CCDC73: variants seen among roughly 807,000 people sequenced by gnomAD.
CCDC73 encodes the protein coiled-coil domain-containing protein 73.
CCDC73 carries 95 observed loss-of-function variants against 116.5 expected under a neutral mutation model. The observed-to-expected ratio is 0.82, with a 90% CI of 0.69 to 0.97. The LOEUF is 0.97. CCDC73 is among the 50% of genes least tolerant of loss of function. The pLI, the probability that CCDC73 is intolerant of heterozygous loss-of-function variation, is 0.00. For synonymous variants in CCDC73, 398 were observed against 401.3 expected (o/e 0.99, Z 0.10); for missense variants, 1,066 against 1,206.8 (o/e 0.88, Z 1.73).
Position 32,602,869 on chromosome 11 carries a change from T to C in CCDC73, c.3182A>G (p.Asn1061Ser). 6.2e-7 allele frequency: 1 copy of C among 1,611,822 alleles called. No homozygotes were observed. The highest frequency in any genetic ancestry group is 8.5e-7 in the Non-Finnish European group (1 of 1,179,192). ...TTCTGCTTTTCTTTTCTTTGGCTGGTTGTCATTTTCTAAACTTAGTAAATT... is the reference window on the plus strand; with the variant it reads ...TTCTGCTTTTCTTTTCTTTGGCTGGCTGTCATTTTCTAAACTTAGTAAATT... ...SENLLSLEND[N>S]QPKKRKAEET... The change falls in exon 18 of 18, where the codon AAC becomes AGC. Residue 1061 changes from asparagine to serine, a missense_variant. Coordinates refer to ENST00000335185, the MANE Select transcript of CCDC73 (RefSeq NM_001008391.4).
intron 1 of CCDC73, among the ~76,000 whole-genome samples, chr11:32,776,687 T>G (rs1396566338): frequency 6.6e-6 from 1 of 151,916 alleles, no homozygotes; most frequent in Admixed American, 6.6e-5. Context: ...AACCCTATAG[T>G]TTAACAAGAA....
In CCDC73 at chr11:32,614,444, G is replaced by C. The variant is rs762414269; in HGVS notation, c.1874C>G (p.Thr625Ser). The part of the protein sequence containing the change: ...LEKEITNSDQ[T>S]KADLDSSLDI... ...TAGAGACGAGTCCAAATCTGCTTTG[G>C]TTTGGTCACTATTTGTAATTTCCTT... Residue 625 changes from threonine to serine, a missense_variant, in exon 16 of 18, where the codon ACC becomes AGC. Thr to Ser is a moderately conservative substitution (Grantham distance 58). Transcript: ENST00000335185. 6.2e-7 allele frequency: 1 copy of C among 1,613,310 alleles called. No individual in the cohort carries two copies. Among genetic ancestry groups the C allele is most frequent in the Non-Finnish European group, 8.5e-7 (1 of 1,179,714 alleles).
At chr11:32,689,823 G>A (rs886287596) in intron 6 of CCDC73, among the ~76,000 whole-genome samples, 6 of 152,052 alleles carry the variant, frequency 3.9e-5, no homozygotes, top group East Asian at 1.9e-4. Flanking sequence ...GTGAAACCCC[G>A]TCTCTACTAA....
chr11:32,719,727 G>A (rs570724829), intron 2 of CCDC73, among the ~76,000 whole-genome samples: 78 of 152,068 alleles, frequency 5.1e-4, no homozygotes, highest in African/African-American at 1.8e-3. Flanking sequence ...AAGAGACCAC[G>A]TACAAAAACA....
chr11:32,715,127 T>C (rs907013761), intron 3 of CCDC73, among the ~76,000 whole-genome samples: 3 of 152,140 alleles, frequency 2.0e-5, no homozygotes, highest in Non-Finnish European at 4.4e-5. Flanking sequence ...CTGAGGTACT[T>C]TCTTTCCCCT....
intron 12 of CCDC73, among the ~76,000 whole-genome samples, chr11:32,644,131 T>C (rs1294431555): frequency 6.6e-6 from 1 of 152,146 alleles, no homozygotes; most frequent in African/African-American, 2.4e-5. Flanking sequence ...GTGGTACATA[T>C]ACACCATGGA....
At chr11:32,700,144 T>C (rs145535481) in intron 5 of CCDC73, among the ~76,000 whole-genome samples, 1 of 151,988 alleles carries the variant, frequency 6.6e-6, no homozygotes, top group African/African-American at 2.4e-5. Context: ...AGAATAAATA[T>C]ATTCTAATTA....
At chr11:32,752,882 A>G (rs1850298678) in intron 2 of CCDC73, among the ~76,000 whole-genome samples, 6 of 152,202 alleles carry the variant, frequency 3.9e-5, no homozygotes. Context: ...AGCTCACTGT[A>G]ACCCCGAACT....
At chr11:32,620,540 G>A (rs1855513835) in intron 14 of CCDC73, among the ~76,000 whole-genome samples, 1 of 148,872 alleles carries the variant, frequency 6.7e-6, no homozygotes, top group Non-Finnish European at 1.5e-5. Flanking sequence ...GAACCTGGGA[G>A]GCGGAGCTTG....
chr11:32,711,415 A>G (rs1416922020), intron 3 of CCDC73, among the ~76,000 whole-genome samples: 1 of 152,236 alleles, frequency 6.6e-6, no homozygotes, highest in Non-Finnish European at 1.5e-5. Context: ...CAACAAGTAG[A>G]TAAAGAAAAT....
At chr11:32,639,526 T>G (rs1855713684) in intron 13 of CCDC73, among the ~76,000 whole-genome samples, 2 of 152,144 alleles carry the variant, frequency 1.3e-5, no homozygotes, top group South Asian at 4.2e-4. Flanking sequence ...CTCGGCTCAC[T>G]GCAACCTCCA....
At chr11:32,624,304 C>T (rs1019478751) in intron 14 of CCDC73, among the ~76,000 whole-genome samples, 2 of 152,158 alleles carry the variant, frequency 1.3e-5, no homozygotes, top group African/African-American at 4.8e-5. Context: ...GATGCTGTTA[C>T]ACTCCAGCCT....
chr11:32,634,712 A>G (rs1159808284), intron 14 of CCDC73, among the ~76,000 whole-genome samples: 2 of 152,216 alleles, frequency 1.3e-5, no homozygotes, highest in Non-Finnish European at 2.9e-5. Context: ...AGAAAGTAAA[A>G]CTGTCTTAAA....
intron 2 of CCDC73, among the ~76,000 whole-genome samples, chr11:32,745,666 G>C (rs2133361818): frequency 6.6e-6 from 1 of 150,872 alleles, no homozygotes; most frequent in Admixed American, 6.6e-5. Context: ...GGCCTTCTTT[G>C]TCTCTTCTGA....
Position 32,699,278 on chromosome 11 carries a change from T to C in CCDC73, c.363A>G (p.Gly121=). The change falls in exon 6 of 18, where the codon GGA becomes GGG. Residue 121 remains glycine (G), a synonymous_variant. Coordinates refer to ENST00000335185, the MANE Select transcript of CCDC73 (RefSeq NM_001008391.4). ...GTAGTGCTTTTAATGTTTCCTTCAATCCTTCTATTTCTTTTTCCTTTATTT... is the reference window on the plus strand; with the variant it reads ...GTAGTGCTTTTAATGTTTCCTTCAACCCTTCTATTTCTTTTTCCTTTATTT... ...ATEIKEKEIE[G]LKETLKALQV... The C allele has an allele frequency of 6.3e-7, 1 of 1,582,540 alleles. No homozygotes were observed. The highest frequency in any genetic ancestry group is 8.6e-7 in the Non-Finnish European group (1 of 1,160,716).
At chr11:32,828,371 G>A in the CCDC73 span, among the ~76,000 whole-genome samples, 9 of 151,896 alleles carry the variant, frequency 5.9e-5, no homozygotes, top group Non-Finnish European at 1.0e-4. Context: ...TTAGCCGGGC[G>A]TGGTGGTGGA....
intron 7 of CCDC73, among the ~76,000 whole-genome samples, chr11:32,679,207 A>T (rs927372316): frequency 1.3e-5 from 2 of 152,114 alleles, no homozygotes; most frequent in African/African-American, 4.8e-5. Context: ...ATTATTAGTA[A>T]TGGTGAGCAA....
intron 1 of CCDC73, among the ~76,000 whole-genome samples, chr11:32,777,130 CCT>C (rs1247284854): frequency 8.1e-6 from 1 of 123,322 alleles, no homozygotes; most frequent in Non-Finnish European, 1.6e-5. Context: ...ACGGAGTCTT[CCT>C]CTGTCACCCA....
intron 2 of CCDC73, among the ~76,000 whole-genome samples, chr11:32,727,171 G>C (rs1268868565): frequency 6.6e-6 from 1 of 152,166 alleles, no homozygotes; most frequent in East Asian, 1.9e-4. Context: ...ATGTCATAGA[G>C]AATAAAGTTC....
Sources: allele counts gnomAD v4.1 joint callset (sites outside exome capture counted in the v4.1 genomes callset), GRCh38; gene constraint gnomAD v4.1.1; transcripts MANE v1.5; gene names NCBI Gene and HGNC (gene_info 2026-07-23, HGNC 2026-07-21).